The following ZNF783 variants were observed in gnomAD, a reference collection of about 807,000 sequenced individuals.
ZNF783 encodes protein ZNF783.
Under a neutral mutation model 31.3 loss-of-function variants are expected in ZNF783, and 25 were observed. That is an observed-to-expected ratio of 0.80 (90% confidence interval 0.58 to 1.11). ZNF783 has a LOEUF of 1.11. Among genes scored for constraint, ZNF783 ranks in the 50% most tolerant of loss-of-function variants. ZNF783 has a pLI of 0.00. For missense variants in ZNF783, 797 were observed against 760.0 expected (o/e 1.05, Z -0.57); for synonymous variants, 369 against 319.1 (o/e 1.16, Z -1.66).
chr7:149,280,418 G>T (rs1173964741), intron 5 of ZNF783, among the ~76,000 whole-genome samples: 1 of 152,054 alleles, frequency 6.6e-6, no homozygotes, highest in Non-Finnish European at 1.5e-5. Flanking sequence ...TTTGGGAGTG[G>T]GGTGGGGTTG....
chr7:149,276,389 T>G, intron 4 of ZNF783: 10 of 988,102 alleles, frequency 1.0e-5, no homozygotes, highest in Non-Finnish European at 1.2e-5. Flanking sequence ...GATGATCCAC[T>G]GAAATTTTTA....
chr7:149,270,737 G>A (rs1182543167), intron 4 of ZNF783, among the ~76,000 whole-genome samples: 1 of 152,174 alleles, frequency 6.6e-6, no homozygotes, highest in Non-Finnish European at 1.5e-5. Flanking sequence ...CCAGATTTAT[G>A]TGTGTGCTTC....
At chr7:149,271,631 T>C (rs1482623480) in intron 4 of ZNF783, among the ~76,000 whole-genome samples, 1 of 152,222 alleles carries the variant, frequency 6.6e-6, no homozygotes, top group Non-Finnish European at 1.5e-5. Flanking sequence ...TTTTTGAATA[T>C]GTAAGATATT....
At chr7:149,279,133 C>T (rs985778677) in intron 5 of ZNF783, among the ~76,000 whole-genome samples, 1 of 152,212 alleles carries the variant, frequency 6.6e-6, no homozygotes, top group African/African-American at 2.4e-5. Context: ...TGCCGCTGGC[C>T]CGACTTTCAG....
intron 5 of ZNF783, among the ~76,000 whole-genome samples, chr7:149,279,654 T>TTTTTTTTTTTTTTTTTTTTTTTA (rs1554479776): frequency 7.8e-6 from 1 of 128,338 alleles, no homozygotes; most frequent in East Asian, 2.3e-4. Flanking sequence ...TTTTTTTTTT[T>TTTTTTTTTTTTTTTTTTTTTTTA]AATTTTTTTT....
At chr7:149,278,663 G>T in intron 5 of ZNF783, 136 bp downstream of exon 5, 4 of 1,425,652 alleles carry the variant, frequency 2.8e-6, no homozygotes, top group Non-Finnish European at 3.7e-6. Flanking sequence ...GGCTGGGCCG[G>T]ACAGGCTTTC....
At chr7:149,278,366 T>C in intron 4 of ZNF783, 33 bp from the exon 5 acceptor site, 1 of 1,598,276 alleles carries the variant, frequency 6.3e-7, no homozygotes, top group Non-Finnish European at 8.5e-7. Flanking sequence ...GACCTCCATG[T>C]TGTGCTCAAT....
chr7:149,267,690 G>C (rs55668713), intron 4 of ZNF783, among the ~76,000 whole-genome samples: 5 of 152,070 alleles, frequency 3.3e-5, no homozygotes, highest in African/African-American at 1.2e-4. Context: ...CCAGCTACTC[G>C]GGAGGCTGAG....
intron 4 of ZNF783, among the ~76,000 whole-genome samples, chr7:149,271,127 A>G (rs1475956231): frequency 6.6e-6 from 1 of 152,114 alleles, no homozygotes; most frequent in Non-Finnish European, 1.5e-5. Context: ...TTTGGTAGAG[A>G]CGGGGTTTCA....
intron 4 of ZNF783, among the ~76,000 whole-genome samples, chr7:149,271,129 G>A (rs1467729614): frequency 3.3e-5 from 5 of 152,086 alleles, no homozygotes; most frequent in East Asian, 1.9e-4. Flanking sequence ...TGGTAGAGAC[G>A]GGGTTTCACC....
intron 4 of ZNF783, chr7:149,277,864 C>G (rs554978533): frequency 6.5e-6 from 1 of 154,142 alleles, no homozygotes; most frequent in Non-Finnish European, 1.4e-5. Context: ...TACGATCACT[C>G]TGGGAGGCGG....
At chr7:149,279,654 T>TTTTTTTTTTTTTTTTTTTTA (rs1554479776) in intron 5 of ZNF783, among the ~76,000 whole-genome samples, 2 of 128,336 alleles carry the variant, frequency 1.6e-5, no homozygotes, top group Non-Finnish European at 3.3e-5. Flanking sequence ...TTTTTTTTTT[T>TTTTTTTTTTTTTTTTTTTTA]AATTTTTTTT....
Position 149,282,332 on chromosome 7 carries a change from G to T in ZNF783, c.1630G>T (p.Glu544Ter), listed in dbSNP as rs1297540506. 4 of 1,522,430 alleles carry T rather than the reference G, an allele frequency of 2.6e-6. No homozygotes were observed. Among genetic ancestry groups the T allele is most frequent in the Non-Finnish European group, 3.5e-6 (4 of 1,141,496 alleles). The allele number at this position is 1,522,430 out of a possible 1,614,324, so 94.3% of individuals were successfully genotyped here. A position where few individuals can be genotyped will look rare whatever the true frequency, so the allele number is the denominator to read the frequency against. Residue 544 changes from glutamate (E) to a stop codon, truncating the protein, a stop_gained, in exon 6 of 6, where the codon GAG becomes TAG. Transcript: ENST00000434415. LOFTEE classifies it high-confidence loss of function. ...SLPLPWPSRK[E>*]EG ...GCCCCTGCCCTGGCCCAGCCGGAAG[G>T]AGGAGGGCTGACCTGGCAGGAGCCC...
chr7:149,270,105 A>G (rs1322258486), intron 4 of ZNF783, among the ~76,000 whole-genome samples: 1 of 152,068 alleles, frequency 6.6e-6, no homozygotes, highest in African/African-American at 2.4e-5. Flanking sequence ...AGTGTTTGCT[A>G]TTGTGAATAG....
chr7:149,263,264 ACGTGTG>A (rs1478767347), intron 1 of ZNF783, among the ~76,000 whole-genome samples: 25 of 106,044 alleles, frequency 2.4e-4, no homozygotes, highest in African/African-American at 6.6e-4. Flanking sequence ...ATATATATAT[ACGTGTG>A]TGTGTGTGTG....
intron 1 of ZNF783, among the ~76,000 whole-genome samples, chr7:149,265,184 G>C (rs906339065): frequency 2.0e-5 from 3 of 152,186 alleles, no homozygotes; most frequent in Admixed American, 2.0e-4. Flanking sequence ...TGAAATTGAG[G>C]AGTGAGATGT....
At chr7:149,280,722 G>A (rs1186579203) in intron 5 of ZNF783, among the ~76,000 whole-genome samples, 1 of 152,214 alleles carries the variant, frequency 6.6e-6, no homozygotes, top group Non-Finnish European at 1.5e-5. Flanking sequence ...TAGAGTCTGT[G>A]CTTCCCTGAG....
Position 149,275,399 on chromosome 7 carries a change from G to A in ZNF783, c.674-3000G>A, listed in dbSNP as rs550040864. On this transcript the variant is annotated intron_variant, in intron 4 of 5. Coordinates refer to ENST00000434415, the MANE Select transcript of ZNF783 (RefSeq NM_001195220.2). ...GCGATCTTGGCTCACTGCAAGCTGC[G>A]CCTCCCGGGTTCACGCCATTCTCCT... 5.3e-5 allele frequency among the ~76,000 whole-genome samples: 8 copies of A among 151,178 alleles called. 1 individual carries two copies. Among genetic ancestry groups the A allele is most frequent in the Admixed American group, 4.6e-4 (7 of 15,174 alleles).
chr7:149,278,991 A>T (rs1393344395), intron 5 of ZNF783, among the ~76,000 whole-genome samples: 2 of 152,184 alleles, frequency 1.3e-5, no homozygotes, highest in African/African-American at 2.4e-5. Context: ...GTCTGCTTTT[A>T]TTTAAAGGCA....
Sources: allele counts gnomAD v4.1 joint callset (sites outside exome capture counted in the v4.1 genomes callset), GRCh38; gene constraint gnomAD v4.1.1; transcripts MANE v1.5; gene names NCBI Gene and HGNC (gene_info 2026-07-23, HGNC 2026-07-21).